Variants in UBR4 observed in about 807,000 individuals in gnomAD.
UBR4 encodes the protein E3 ubiquitin-protein ligase UBR4.
A neutral mutation model predicts 575.6 loss-of-function variants in UBR4; 124 were observed. That is an observed-to-expected ratio of 0.22 (90% CI 0.19 to 0.25). The LOEUF is 0.25. Ranked by LOEUF, UBR4 falls within the 10% of genes least tolerant of loss-of-function variation. UBR4 has a pLI of 1.00. For synonymous variants in UBR4, 2,455 were observed against 2,473.7 expected (o/e 0.99, Z 0.22); for missense variants, 4,818 against 6,478.8 (o/e 0.74, Z 8.80).
At position 19,154,993 on chromosome 1, in the gene UBR4, T is replaced by C; in HGVS notation, c.6383A>G (p.Gln2128Arg). The change falls in exon 44 of 106, where the codon CAA becomes CGA. Residue 2128 changes from glutamine (Q) to arginine (R), a missense_variant. Coordinates refer to ENST00000375254, the MANE Select transcript of UBR4 (RefSeq NM_020765.3). ...GATGGTGGCTGCGAATGATTTGCCT[T>C]GACAATAGCTGAAGAACAACATCTG... is the stretch of plus-strand genomic sequence containing the variant. ...VLQMLFFSYC[Q>R]GKSFAATISR... 4 of 1,614,146 alleles carry C rather than the reference T, an allele frequency of 2.5e-6. No individual in the cohort carries two copies. Among genetic ancestry groups the C allele is most frequent in the Non-Finnish European group, 3.4e-6 (4 of 1,180,014 alleles).
Position 19,161,975 on chromosome 1 carries a change from G to A in UBR4, c.4957-78C>T, listed in dbSNP as rs543811519. ...CCCACAAAAACACATGTGCCTCAAC[G>A]CCCTATGGCGGGGTGAATAGTTGAC... On this transcript the variant is annotated intron_variant, in intron 35 of 105. Transcript: ENST00000375254. 1.2e-4 allele frequency: 185 copies of A among 1,519,324 alleles called. No individual in the cohort carries two copies. In the African/African-American group the frequency reaches 2.1e-3, roughly 17 times the overall value. 94.1% of individuals were successfully genotyped at this position (1,519,324 alleles called of 1,614,324 possible).
chr1:19,130,894 C>T (rs1570867340), intron 60 of UBR4, among the ~76,000 whole-genome samples: 1 of 152,034 alleles, frequency 6.6e-6, no homozygotes, highest in African/African-American at 2.4e-5. Context: ...TATTTTCAAA[C>T]ATCATTCATT....
At chr1:19,098,251 G>A (rs1217549593) in intron 90 of UBR4, among the ~76,000 whole-genome samples, 1 of 152,220 alleles carries the variant, frequency 6.6e-6, no homozygotes, top group Non-Finnish European at 1.5e-5. Flanking sequence ...ACTGAACACA[G>A]AGCAGGTTCT....
chr1:19,119,092 G>T, intron 70 of UBR4, 135 bp from the exon 71 acceptor site: 1 of 737,830 alleles, frequency 1.4e-6, no homozygotes, highest in Non-Finnish European at 2.2e-6. Flanking sequence ...ATACAAAGCT[G>T]GGCCTAATTT....
intron 83 of UBR4, 95 bp downstream of exon 83, chr1:19,106,474 T>C (rs1024558859): frequency 2.1e-6 from 3 of 1,406,412 alleles, no homozygotes; most frequent in Non-Finnish European, 2.8e-6. Context: ...AAAGAAGAGA[T>C]GGCAGTGCAG....
intron 102 of UBR4, chr1:19,081,938 T>A (rs2076557868): frequency 1.7e-6 from 1 of 597,804 alleles, no homozygotes; most frequent in Admixed American, 3.0e-5. Flanking sequence ...AAAAGTGAAG[T>A]GACTTGCCCA....
chr1:19,099,213 A>C (rs2078368388), intron 90 of UBR4, among the ~76,000 whole-genome samples: 1 of 152,186 alleles, frequency 6.6e-6, no homozygotes, highest in Non-Finnish European at 1.5e-5. Context: ...CTACTAAGCG[A>C]GCAGGCCCAT....
chr1:19,155,129 C>A, intron 43 of UBR4, 54 bp from the exon 44 acceptor site: 1 of 1,607,044 alleles, frequency 6.2e-7, no homozygotes, highest in Non-Finnish European at 8.5e-7. Context: ...TGGCTACCAA[C>A]TTCCGGTTTA....
At position 19,095,526 on chromosome 1, in the gene UBR4, T is replaced by G; in HGVS notation, c.13626+19A>C. The G allele has an allele frequency of 6.2e-7, 1 of 1,611,132 alleles. No homozygotes were observed. The highest frequency in any genetic ancestry group is 8.5e-7 in the Non-Finnish European group (1 of 1,178,060). The stretch of plus-strand genomic sequence containing the variant: ...CTTCCAAGGCCCACTCTTCTTCACC[T>G]GCAGTCCATGCTCCTTACCAGGTTT... On this transcript the variant is annotated intron_variant, in intron 93 of 105. Transcript: ENST00000375254.
chr1:19,175,556 C>T (rs562301247), intron 20 of UBR4, among the ~76,000 whole-genome samples: 2 of 152,276 alleles, frequency 1.3e-5, no homozygotes, highest in African/African-American at 4.8e-5. Flanking sequence ...ACAACAAACA[C>T]TTCATCCAAA....
intron 86 of UBR4, 48 bp downstream of exon 86, chr1:19,104,537 C>CTAAACAGAT (rs2078985471): frequency 6.2e-7 from 1 of 1,601,584 alleles, no homozygotes; most frequent in Admixed American, 1.7e-5. Flanking sequence ...AGGGTTGTCC[C>CTAAACAGAT]TAAACAGATT....
intron 54 of UBR4, among the ~76,000 whole-genome samples, 186 bp downstream of exon 54, chr1:19,144,600 G>A (rs1291556696): frequency 1.3e-5 from 2 of 152,186 alleles, no homozygotes; most frequent in Non-Finnish European, 2.9e-5. Context: ...GAAAGACTGA[G>A]CCCATCCCCT....
At position 19,160,270 on chromosome 1, in the gene UBR4, G is replaced by A. The variant is rs1352246545; in HGVS notation, c.5418C>T (p.Ser1806=). The change falls in exon 39 of 106, where the codon TCC becomes TCT. Residue 1806 remains serine, a synonymous_variant. Transcript: ENST00000375254. ...REELQNQANF[S]FAPLVLDMLN... is the part of the protein sequence containing the mutation. ...GCATGTCTAACACGAGAGGAGCGAA[G>A]GAGAAATTGGCCTGAGAAAAATAGA... 8 of 1,605,484 alleles carry A rather than the reference G, an allele frequency of 5.0e-6. No homozygotes were observed. In the Admixed American group the frequency reaches 1.2e-4, roughly 24 times the overall value.
chr1:19,192,126 T>C (rs1256985571), intron 11 of UBR4, 62 bp downstream of exon 11: 10 of 1,560,140 alleles, frequency 6.4e-6, no homozygotes, highest in Non-Finnish European at 7.8e-6. Context: ...ACTAGCTCCC[T>C]GTAAATATAA....
chr1:19,185,624 A>G (rs1330097927), intron 14 of UBR4, among the ~76,000 whole-genome samples: 1 of 138,134 alleles, frequency 7.2e-6, no homozygotes, highest in Non-Finnish European at 1.5e-5. Flanking sequence ...CCCAGGCTGG[A>G]GTGCAGTGGT....
chr1:19,167,253 C>T (rs374573602), intron 28 of UBR4, 22 bp from the exon 29 acceptor site: 13 of 1,613,234 alleles, frequency 8.1e-6, no homozygotes, highest in Admixed American at 5.0e-5. Context: ...AAAATGAAAT[C>T]GAGTTAGTGA....
rs746819629 is a variant in UBR4, at chr1:19,153,731, C to G, written c.6630+37G>C. On this transcript the variant is annotated intron_variant, in intron 45 of 105. Coordinates refer to ENST00000375254, the MANE Select transcript of UBR4 (RefSeq NM_020765.3). The surrounding 1 kb of genome is among the most constrained non-coding windows in gnomAD (Gnocchi z 4.1). ...TACAAACATAAAAAGAGACCAGGTT[C>G]ACAGCAAAGTAATGAATGGGAAAAT... 1.6e-5 allele frequency: 25 copies of G among 1,595,696 alleles called. No homozygotes were observed. In the South Asian group the frequency reaches 2.6e-4, roughly 17 times the overall value.
In UBR4 at chr1:19,084,684, A is replaced by G; in HGVS notation, c.14828T>C (p.Leu4943Pro). The G allele has an allele frequency of 6.2e-7, 1 of 1,610,678 alleles. No individual in the cohort carries two copies. ...CTCCCGCTGGCCTGTACATTCCTGGAGGTAAGTGTTGTGTCTAGAGGGAAG... is the reference window on the plus strand; with the variant it reads ...CTCCCGCTGGCCTGTACATTCCTGGGGGTAAGTGTTGTGTCTAGAGGGAAG... ...ATCLARHNTY[L>P]QECTGQREPT... Residue 4943 changes from leucine (L) to proline (P), a missense_variant, in exon 102 of 106, where the codon CTC (leucine) becomes CCC (proline). Around this residue, in one of 29 missense-constraint regions of UBR4, gnomAD observed 196 missense variants for 386.8 expected, o/e 0.51. Transcript: ENST00000375254.
intron 62 of UBR4, 35 bp downstream of exon 62, chr1:19,128,176 C>A: frequency 6.3e-7 from 1 of 1,583,406 alleles, no homozygotes; most frequent in Non-Finnish European, 8.7e-7. Flanking sequence ...CTCAGCCAAT[C>A]CTGTTTCTCA....
Sources: gnomAD v4.1 joint callset for allele counts (sites outside exome capture counted in the v4.1 genomes callset) on GRCh38, gnomAD v4.1.1 for gene constraint, gnomAD v4.1.1 regional missense constraint, Gnocchi (gnomAD v3.1) non-coding constraint, MANE v1.5 for transcripts, NCBI Gene and HGNC (gene_info 2026-07-23, HGNC 2026-07-21) for gene names.